Variants in DLG2 observed in about 807,000 individuals in gnomAD.
DLG2 encodes discs large MAGUK scaffold protein 2, also known as disks large homolog 2.
Under a neutral mutation model 132.5 loss-of-function variants are expected in DLG2, and 45 were observed. That is an observed-to-expected ratio of 0.34 (90% confidence interval 0.27 to 0.44). The LOEUF (loss-of-function observed/expected upper bound fraction) is 0.44. Ranked by LOEUF, DLG2 falls within the 20% of genes least tolerant of loss-of-function variation. DLG2 has a pLI of 1.00. For missense variants in DLG2, 1,045 were observed against 1,196.9 expected (o/e 0.87, Z 1.87); for synonymous variants, 424 against 419.6 (o/e 1.01, Z -0.13).
intron 5 of DLG2, among the ~76,000 whole-genome samples, chr11:85,115,606 T>C (rs1217680465): frequency 6.6e-6 from 1 of 151,924 alleles, no homozygotes; most frequent in Non-Finnish European, 1.5e-5. Context: ...TACAGAGGAA[T>C]TGAGGCAAAA....
intron 21 of DLG2, among the ~76,000 whole-genome samples, chr11:83,484,473 G>A (rs1447162469): frequency 6.6e-6 from 1 of 150,940 alleles, no homozygotes; most frequent in East Asian, 1.9e-4. Context: ...TGGTGATGGA[G>A]GGAAAGAGTC....
intron 7 of DLG2, among the ~76,000 whole-genome samples, chr11:84,371,749 T>C (rs2098707491): frequency 6.6e-6 from 1 of 152,166 alleles, no homozygotes; most frequent in Non-Finnish European, 1.5e-5. Context: ...CCTGATATAA[T>C]CTATGAAAAT....
At chr11:84,600,824 T>TA (rs761705839) in intron 6 of DLG2, among the ~76,000 whole-genome samples, 2 of 152,072 alleles carry the variant, frequency 1.3e-5, no homozygotes, top group African/African-American at 2.4e-5. Flanking sequence ...CACTATTAAT[T>TA]AAAAAATGAG....
intron 18 of DLG2, among the ~76,000 whole-genome samples, chr11:83,736,063 T>C (rs1290162419): frequency 6.6e-6 from 1 of 152,220 alleles, no homozygotes; most frequent in Non-Finnish European, 1.5e-5. Context: ...GGTCACAAAC[T>C]GTCAAATATT....
At chr11:84,097,868 A>G (rs935363999) in intron 10 of DLG2, among the ~76,000 whole-genome samples, 1 of 151,998 alleles carries the variant, frequency 6.6e-6, no homozygotes, top group African/African-American at 2.4e-5. Flanking sequence ...CCTTTTAGCT[A>G]AGGTTTTGAT....
intron 7 of DLG2, among the ~76,000 whole-genome samples, chr11:84,439,920 T>C (rs2099012526): frequency 6.6e-6 from 1 of 152,210 alleles, no homozygotes; most frequent in Non-Finnish European, 1.5e-5. Context: ...ACTGATATCA[T>C]AGAGAGAATC....
intron 9 of DLG2, among the ~76,000 whole-genome samples, chr11:84,127,172 A>C (rs1307764858): frequency 6.6e-6 from 1 of 152,214 alleles, no homozygotes; most frequent in African/African-American, 2.4e-5. Flanking sequence ...GATACACGTT[A>C]GAAGGTAAGT....
intron 5 of DLG2, 24 bp from the exon 6 acceptor site, chr11:85,111,759 T>C: frequency 6.6e-7 from 1 of 1,524,838 alleles, no homozygotes; most frequent in Non-Finnish European, 8.9e-7. Flanking sequence ...AAAATTATAT[T>C]ATATTCTATT....
At chr11:85,215,304 G>A (rs751796331) in intron 4 of DLG2, among the ~76,000 whole-genome samples, 3 of 152,110 alleles carry the variant, frequency 2.0e-5, no homozygotes, top group Non-Finnish European at 4.4e-5. Context: ...AATGGTTACT[G>A]ATAAAACAAA....
intron 3 of DLG2, among the ~76,000 whole-genome samples, chr11:85,425,562 A>G (rs1050060802): frequency 4.6e-5 from 7 of 152,184 alleles, no homozygotes; most frequent in Non-Finnish European, 1.0e-4. Context: ...AATTCATTGT[A>G]AGAATCATAA....
intron 19 of DLG2, among the ~76,000 whole-genome samples, chr11:83,603,482 T>C (rs1002864090): frequency 3.9e-5 from 6 of 152,198 alleles, no homozygotes; most frequent in African/African-American, 1.4e-4. Flanking sequence ...ATACATGTCT[T>C]CTATCCCTGT....
intron 7 of DLG2, among the ~76,000 whole-genome samples, chr11:84,343,163 G>T (rs1174438727): frequency 3.3e-5 from 5 of 152,164 alleles, no homozygotes; most frequent in African/African-American, 9.7e-5. Flanking sequence ...AACCCATTTA[G>T]GGATTTGATG....
chr11:84,708,758 G>A (rs2060049402), intron 6 of DLG2, among the ~76,000 whole-genome samples: 1 of 151,532 alleles, frequency 6.6e-6, no homozygotes, highest in Non-Finnish European at 1.5e-5. Context: ...AATTTGTTGG[G>A]GAAATAGCTA....
chr11:85,151,599 T>TAG (rs2077257782), intron 5 of DLG2, among the ~76,000 whole-genome samples: 1 of 152,224 alleles, frequency 6.6e-6, no homozygotes, highest in Non-Finnish European at 1.5e-5. Context: ...CTTTATCTTT[T>TAG]GCATGTAGAT....
intron 17 of DLG2, among the ~76,000 whole-genome samples, chr11:83,823,146 A>G (rs950846168): frequency 6.6e-6 from 1 of 151,820 alleles, no homozygotes; most frequent in Non-Finnish European, 1.5e-5. Flanking sequence ...AGGCCCAAAC[A>G]AATTGGACTA....
At chr11:84,931,237 A>G (rs981744986) in intron 6 of DLG2, among the ~76,000 whole-genome samples, 2 of 152,028 alleles carry the variant, frequency 1.3e-5, no homozygotes, top group African/African-American at 4.8e-5. Context: ...GGTTTCTTGT[A>G]CAGTTTATTT....
intron 6 of DLG2, among the ~76,000 whole-genome samples, chr11:84,570,571 C>T (rs982813939): frequency 6.6e-6 from 1 of 152,116 alleles, no homozygotes; most frequent in African/African-American, 2.4e-5. Flanking sequence ...GTCCATAGCA[C>T]ATAAGAACGA....
intron 6 of DLG2, among the ~76,000 whole-genome samples, chr11:85,079,202 G>GAAGGGAGTGTCTAGGATAAGAT (rs1268051457): frequency 3.3e-5 from 5 of 152,112 alleles, no homozygotes; most frequent in African/African-American, 1.2e-4. Context: ...GGCATCAGTA[G>GAAGGGAGTGTCTAGGATAAGAT]AAGGGAGTGT....
At chr11:83,938,928 T>C (rs762766511) in intron 14 of DLG2, among the ~76,000 whole-genome samples, 2 of 152,184 alleles carry the variant, frequency 1.3e-5, no homozygotes, top group Non-Finnish European at 2.9e-5. Flanking sequence ...TCCTTCTGTC[T>C]CAAATCACCA....
Sources: gnomAD v4.1 joint callset for allele counts (sites outside exome capture counted in the v4.1 genomes callset) on GRCh38, gnomAD v4.1.1 for gene constraint, MANE v1.5 for transcripts, NCBI Gene and HGNC (gene_info 2026-07-23, HGNC 2026-07-21) for gene names.